The following ADGRV1 variants were observed in gnomAD, a reference collection of about 807,000 sequenced individuals.
ADGRV1 encodes the protein G-protein coupled receptor 98.
In ADGRV1, 359 loss-of-function variants were observed where a neutral mutation model predicts 596.2. The observed-to-expected ratio is 0.60, with a 90% confidence interval of 0.55 to 0.66. The LOEUF (loss-of-function observed/expected upper bound fraction) is 0.66. Among genes scored for constraint, ADGRV1 ranks in the 30% least tolerant of loss-of-function variants. ADGRV1 has a pLI of 0.00. For missense variants in ADGRV1, 7,274 were observed against 7,575.6 expected (o/e 0.96, Z 1.48); for synonymous variants, 2,681 against 2,679.2 (o/e 1.00, Z -0.02).
intron 75 of ADGRV1, among the ~76,000 whole-genome samples, chr5:90,817,544 T>G (rs1481172204): frequency 6.6e-6 from 1 of 151,764 alleles, no homozygotes; most frequent in African/African-American, 2.4e-5. Flanking sequence ...TTTATGGTTT[T>G]AGGTCTAATG....
chr5:90,729,022 A>G (rs764012125), intron 49 of ADGRV1, 89 bp downstream of exon 49: 117 of 939,222 alleles, frequency 1.2e-4, no homozygotes, highest in Non-Finnish European at 1.7e-4. Context: ...ATGCTCTTGC[A>G]ATAATTTTTT....
chr5:90,986,726 G>A (rs1478939912), intron 85 of ADGRV1, among the ~76,000 whole-genome samples: 1 of 151,886 alleles, frequency 6.6e-6, no homozygotes, highest in African/African-American at 2.4e-5. Context: ...CTTCTAAAAA[G>A]GAACGATGGC....
intron 78 of ADGRV1, among the ~76,000 whole-genome samples, chr5:90,845,328 C>T (rs1489711351): frequency 6.6e-6 from 1 of 152,150 alleles, no homozygotes; most frequent in Non-Finnish European, 1.5e-5. Flanking sequence ...CTAGAAAGTG[C>T]TGAAAACTAC....
At chr5:91,082,099 G>A (rs1789436005) in intron 86 of ADGRV1, among the ~76,000 whole-genome samples, 1 of 152,160 alleles carries the variant, frequency 6.6e-6, no homozygotes. Flanking sequence ...ATATCTGAGG[G>A]TAACAAAGAT....
chr5:90,603,863 G>A (rs1213312513), intron 1 of ADGRV1, among the ~76,000 whole-genome samples: 1 of 144,156 alleles, frequency 6.9e-6, no homozygotes, highest in African/African-American at 2.5e-5. Flanking sequence ...ATTCCACAAG[G>A]TGGTGAGCGT....
At chr5:90,584,077 T>G (rs986555835) in intron 1 of ADGRV1, among the ~76,000 whole-genome samples, 6 of 152,192 alleles carry the variant, frequency 3.9e-5, no homozygotes, top group Non-Finnish European at 8.8e-5. Context: ...GTAACTCAGG[T>G]TCCTCATTTC....
At chr5:91,163,749 T>C (rs1797144133) in intron 89 of ADGRV1, 33 bp from the exon 90 acceptor site, 1 of 903,192 alleles carries the variant, frequency 1.1e-6, no homozygotes, top group African/African-American at 1.6e-5. Flanking sequence ...ACTAATAGTT[T>C]GGATTTTTGT....
At chr5:90,750,493 AG>A in intron 52 of ADGRV1, 57 bp from the exon 53 acceptor site, 1 of 1,438,390 alleles carries the variant, frequency 7.0e-7, no homozygotes, top group East Asian at 2.3e-5. Flanking sequence ...AGACAAAAAA[AG>A]AAGTCTGATT....
At chr5:91,151,241 A>G (rs949108469) in intron 88 of ADGRV1, among the ~76,000 whole-genome samples, 1 of 152,212 alleles carries the variant, frequency 6.6e-6, no homozygotes, top group African/African-American at 2.4e-5. Flanking sequence ...TATTTTATTT[A>G]TGTTAGGTTA....
intron 1 of ADGRV1, among the ~76,000 whole-genome samples, chr5:90,609,242 T>A (rs980630904): frequency 3.3e-5 from 5 of 152,040 alleles, no homozygotes; most frequent in African/African-American, 1.2e-4. Flanking sequence ...GAGGGAGGCT[T>A]ATTTTTTACT....
chr5:91,087,011 C>T (rs938270664), intron 86 of ADGRV1, among the ~76,000 whole-genome samples: 1 of 152,180 alleles, frequency 6.6e-6, no homozygotes, highest in Non-Finnish European at 1.5e-5. Flanking sequence ...GAACAACTTA[C>T]AGTAATTTAT....
At chr5:90,618,220 C>T (rs1763613051) in intron 3 of ADGRV1, among the ~76,000 whole-genome samples, 1 of 152,140 alleles carries the variant, frequency 6.6e-6, no homozygotes, top group African/African-American at 2.4e-5. Flanking sequence ...AAAACTTTGC[C>T]TTCCCTTTGG....
intron 85 of ADGRV1, among the ~76,000 whole-genome samples, chr5:91,070,482 C>T (rs544940316): frequency 1.3e-5 from 2 of 152,274 alleles, no homozygotes; most frequent in Non-Finnish European, 2.9e-5. Flanking sequence ...AAAAGAGGCA[C>T]TTCTTACTAT....
At chr5:90,630,500 G>A (rs1765365238) in intron 9 of ADGRV1, 1 of 152,006 alleles carries the variant, frequency 6.6e-6, no homozygotes. Flanking sequence ...TGATACTGTT[G>A]TTGTTTTCCA....
intron 85 of ADGRV1, among the ~76,000 whole-genome samples, chr5:91,017,371 C>G (rs1175676429): frequency 6.6e-6 from 1 of 151,796 alleles, no homozygotes; most frequent in Non-Finnish European, 1.5e-5. Flanking sequence ...ATAAATTTTC[C>G]ATTTAAAATG....
At chr5:90,748,938 G>C (rs1343447657) in intron 52 of ADGRV1, among the ~76,000 whole-genome samples, 3 of 151,428 alleles carry the variant, frequency 2.0e-5, no homozygotes, top group Non-Finnish European at 2.9e-5. Flanking sequence ...GGATGAACCT[G>C]TCATTCTGTG....
Position 90,672,560 on chromosome 5 carries a change from A to T in ADGRV1, c.4767A>T (p.Gly1589=). ...TTCAATTTCAGATTGCAGAGGAGGG[A>T]TCAACCATTTCTTGTGTGGTTGAGA... ...GACIPEIAEE[G]STISCVVERT... is the part of the protein sequence containing the mutation. The change falls in exon 22 of 90, where the codon GGA becomes GGT. Residue 1589 remains glycine, a synonymous_variant. Coordinates refer to ENST00000405460, the MANE Select transcript of ADGRV1 (RefSeq NM_032119.4). The T allele has an allele frequency of 6.2e-7, 1 of 1,613,280 alleles. No homozygotes were observed.
chr5:90,945,526 A>G (rs1269482734), intron 83 of ADGRV1, among the ~76,000 whole-genome samples: 2 of 152,174 alleles, frequency 1.3e-5, no homozygotes, highest in Non-Finnish European at 2.9e-5. Context: ...AACACAGCAG[A>G]TTACTATCTT....
At position 90,778,527 on chromosome 5, in the gene ADGRV1, A is replaced by T. The variant is rs750752068; in HGVS notation, c.12767A>T (p.Asn4256Ile). 2.5e-6 allele frequency: 4 copies of T among 1,612,254 alleles called. No homozygotes were observed. In the East Asian group the frequency reaches 8.9e-5, roughly 36 times the overall value. The change falls in exon 63 of 90, where the codon AAC becomes ATC. Residue 4256 changes from asparagine to isoleucine, a missense_variant. Asn to Ile is a moderately radical substitution (Grantham distance 149). Coordinates refer to ENST00000405460, the MANE Select transcript of ADGRV1 (RefSeq NM_032119.4). ...GVLSESSSTA[N>I]ITVVASDSPY... is the part of the protein sequence containing the mutation. The stretch of plus-strand genomic sequence containing the variant: ...CTGAGTGAATCCAGCAGCACTGCCA[A>T]CATCACGGTGGTGGCCAGCGACTCT...
Sources: allele counts gnomAD v4.1 joint callset (sites outside exome capture counted in the v4.1 genomes callset), GRCh38; gene constraint gnomAD v4.1.1; transcripts MANE v1.5; gene names NCBI Gene and HGNC (gene_info 2026-07-23, HGNC 2026-07-21).